Variants in RASSF6 observed in about 807,000 individuals in gnomAD.
RASSF6 encodes Ras association domain family member 6, also known as ras association domain-containing protein 6.
A neutral mutation model predicts 44.0 loss-of-function variants in RASSF6; 52 were observed. The observed-to-expected ratio is 1.18, with a 90% confidence interval of 0.95 to 1.49. The LOEUF (loss-of-function observed/expected upper bound fraction) is 1.49, where lower values mean the gene tolerates loss of function less well. RASSF6 is among the 40% of genes most tolerant of loss of function. The probability of loss-of-function intolerance (pLI) is 0.00; values close to 1 mark genes in which losing one functional copy is unlikely to be tolerated. For synonymous variants in RASSF6, 162 were observed against 124.6 expected, an observed-to-expected ratio of 1.30 and a Z score of -2.00; for missense variants, 464 against 393.3, an observed-to-expected ratio of 1.18 and a Z score of -1.52.
intron 1 of RASSF6, among the ~76,000 whole-genome samples, chr4:73,618,556 A>C (rs945064072): frequency 9.2e-5 from 14 of 152,150 alleles, no homozygotes; most frequent in Admixed American, 2.0e-4. Flanking sequence ...TGAATATTGG[A>C]ACCCTAACTT....
Position 73,581,843 on chromosome 4 carries a change from G to A in RASSF6, c.695C>T (p.Ala232Val), listed in dbSNP as rs971769244. ...FKIENSPQDF[A>V]LHIIFATGEQ... ...TCCTGTTGCAAAAATAATGTGAAGA[G>A]CAAAATCCTGGGGACTATTTTCAAT... Residue 232 changes from alanine to valine, a missense_variant, in exon 8 of 11, where the codon GCT (alanine) becomes GTT (valine). Ala to Val is a moderately conservative substitution (Grantham distance 64). Transcript: ENST00000307439. 14 of 1,609,504 alleles carry A rather than the reference G, an allele frequency of 8.7e-6. No homozygotes were observed. The African/African-American group carries it at 1.3e-4, about 15-fold the overall frequency.
chr4:73,582,050 C>G (rs1045256314), intron 7 of RASSF6, 139 bp downstream of exon 7: 2 of 655,232 alleles, frequency 3.1e-6, no homozygotes, highest in Non-Finnish European at 5.2e-6. Flanking sequence ...AGGTGTTATA[C>G]AAAGGAAAGA....
At chr4:73,592,288 C>T (rs980175950) in intron 4 of RASSF6, among the ~76,000 whole-genome samples, 2 of 152,142 alleles carry the variant, frequency 1.3e-5, no homozygotes, top group Non-Finnish European at 2.9e-5. Flanking sequence ...TTAATTTTCC[C>T]TAGTTGTGGC....
chr4:73,617,253 A>C (rs1356520578), intron 1 of RASSF6, among the ~76,000 whole-genome samples: 3 of 152,234 alleles, frequency 2.0e-5, no homozygotes, highest in African/African-American at 4.8e-5. Context: ...AGTGGAATCT[A>C]ATTGGAAATG....
intron 3 of RASSF6, among the ~76,000 whole-genome samples, chr4:73,598,200 C>T (rs1031775708): frequency 6.6e-6 from 1 of 152,096 alleles, no homozygotes; most frequent in Non-Finnish European, 1.5e-5. Context: ...TGATATAGTG[C>T]ACATCTATTG....
Position 73,576,530 on chromosome 4 carries a change from A to T in RASSF6, c.841-23T>A, listed in dbSNP as rs183675803. On this transcript the variant is annotated intron_variant, in intron 9 of 10. Coordinates refer to ENST00000307439, the MANE Select transcript of RASSF6 (RefSeq NM_177532.5). ...CACCTAAGAAAGAAGAAGAAGAAAA[A>T]AAAAAGAAAGCAGAACAATTATGCA... The T allele has an allele frequency of 6.0e-5, 94 of 1,557,254 alleles. No individual in the cohort carries two copies. The East Asian group carries it at 2.0e-3, about 33-fold the overall frequency.
At chr4:73,593,821 T>G (rs148497309) in intron 3 of RASSF6, among the ~76,000 whole-genome samples, 158 of 152,354 alleles carry the variant, frequency 1.0e-3, no homozygotes, top group Non-Finnish European at 2.1e-3. Flanking sequence ...ATCATAATGG[T>G]AATGGCATGT....
rs1723025857 is a variant in RASSF6, at chr4:73,573,491, C to T, written c.*2744G>A. On this transcript the variant is annotated 3_prime_UTR_variant, in exon 11 of 11. Transcript: ENST00000307439. ...ATTTAGGCTTTTTATTTCCTTTTGT[C>T]ACAATAAATAACAATATAAAACATA... 6.6e-6 allele frequency: 1 copy of T among 152,058 alleles called. No homozygotes were observed. Among genetic ancestry groups the T allele is most frequent in the Non-Finnish European group, 1.5e-5 (1 of 68,012 alleles). 9.4% of individuals were successfully genotyped at this position (152,058 alleles called of 1,614,324 possible).
At chr4:73,580,226 T>A (rs1014792220) in intron 8 of RASSF6, among the ~76,000 whole-genome samples, 2 of 151,948 alleles carry the variant, frequency 1.3e-5, no homozygotes, top group African/African-American at 4.8e-5. Flanking sequence ...GGATGCATAG[T>A]ATTCCATGGT....
chr4:73,593,450 C>T lies in RASSF6; in HGVS notation c.287+1G>A, dbSNP rs1417150704. The T allele has an allele frequency of 1.9e-6, 3 of 1,599,860 alleles. No homozygotes were observed. The highest frequency in any genetic ancestry group is 1.7e-6 in the Non-Finnish European group (2 of 1,175,634). Reference sequence around the variant, plus strand: ...AATTAAAAACATGAAAGATAGCTTACCCTTTGCTGGAGAAGACGTCTGATG... The same window carrying T: ...AATTAAAAACATGAAAGATAGCTTATCCTTTGCTGGAGAAGACGTCTGATG... On this transcript the variant is annotated splice_donor_variant, in intron 4 of 10. Transcript: ENST00000307439. LOFTEE classifies it high-confidence loss of function.
At chr4:73,588,537 A>G (rs1428381963) in intron 4 of RASSF6, among the ~76,000 whole-genome samples, 1 of 152,022 alleles carries the variant, frequency 6.6e-6, no homozygotes, top group Non-Finnish European at 1.5e-5. Flanking sequence ...GAAACCTGAC[A>G]AATGTTTATT....
At chr4:73,608,209 C>T (rs1725779907) in intron 2 of RASSF6, among the ~76,000 whole-genome samples, 1 of 151,734 alleles carries the variant, frequency 6.6e-6, no homozygotes, top group Non-Finnish European at 1.5e-5. Flanking sequence ...TCTGGAGTCT[C>T]ATAGAAAATC....
intron 1 of RASSF6, among the ~76,000 whole-genome samples, chr4:73,618,283 T>G (rs1272776877): frequency 2.3e-5 from 1 of 44,188 alleles, no homozygotes; most frequent in African/African-American, 5.5e-5. Flanking sequence ...AATATTCTAA[T>G]GTATAGATAT....
intron 4 of RASSF6, among the ~76,000 whole-genome samples, chr4:73,592,995 C>T (rs887872470): frequency 1.3e-5 from 2 of 148,724 alleles, no homozygotes; most frequent in African/African-American, 5.0e-5. Flanking sequence ...AGTTTCTGAA[C>T]ACCAACTTCA....
intron 2 of RASSF6, among the ~76,000 whole-genome samples, chr4:73,607,164 GTA>G (rs1725699060): frequency 6.6e-6 from 1 of 152,246 alleles, no homozygotes; most frequent in African/African-American, 2.4e-5. Flanking sequence ...TATGTAGAAT[GTA>G]TCTAATCATA....
In RASSF6 at chr4:73,576,689, C is replaced by T. The variant is rs1416408035; in HGVS notation, c.764G>A (p.Arg255Lys). The change falls in exon 9 of 11, where the codon AGG becomes AAG. Residue 255 changes from arginine (R) to lysine (K), a missense_variant. Physicochemically the swap from Arg to Lys is conservative, Grantham distance 26 (BLOSUM62 2). Transcript: ENST00000307439. ...LKKTDIPLLQ[R>K]LLQGPSEKNA... Reference sequence around the variant, plus strand: ...CTTTTCAGAAGGTCCCTGTAGGAGCCTCTGCAGTAGCGGAATGTCTGTCTT... The same window carrying T: ...CTTTTCAGAAGGTCCCTGTAGGAGCTTCTGCAGTAGCGGAATGTCTGTCTT... The T allele has an allele frequency of 1.9e-6, 3 of 1,613,256 alleles. No homozygotes were observed. The highest frequency in any genetic ancestry group is 2.5e-6 in the Non-Finnish European group (3 of 1,179,544).
At chr4:73,609,954 G>T (rs1472344837) in intron 2 of RASSF6, among the ~76,000 whole-genome samples, 2 of 152,192 alleles carry the variant, frequency 1.3e-5, no homozygotes, top group East Asian at 3.9e-4. Flanking sequence ...ATTAGTTCTG[G>T]GGTGAAGCCA....
intron 6 of RASSF6, among the ~76,000 whole-genome samples, chr4:73,583,112 A>C (rs954011408): frequency 2.0e-5 from 3 of 152,152 alleles, no homozygotes; most frequent in African/African-American, 7.2e-5. Flanking sequence ...AGCTTCATGC[A>C]CTATGACAAT....
chr4:73,581,999 C>T (rs956766437), intron 7 of RASSF6, 131 bp from the exon 8 acceptor site: 6 of 716,326 alleles, frequency 8.4e-6, no homozygotes, highest in South Asian at 2.2e-5. Flanking sequence ...CTTCTCTGCT[C>T]TTATGGGAAT....
Sources: gnomAD v4.1 joint callset for allele counts (sites outside exome capture counted in the v4.1 genomes callset) on GRCh38, gnomAD v4.1.1 for gene constraint, MANE v1.5 for transcripts, NCBI Gene and HGNC (gene_info 2026-07-23, HGNC 2026-07-21) for gene names.